Variants in SPSB4 observed in about 807,000 individuals in gnomAD.
The protein encoded by SPSB4 is SPRY domain-containing SOCS box protein 4.
Under a neutral mutation model 20.9 loss-of-function variants are expected in SPSB4, and 21 were observed. The observed-to-expected ratio is 1.01, with a 90% CI of 0.71 to 1.45. The LOEUF is 1.45. SPSB4 is among the 40% of genes most tolerant of loss of function. The pLI is 0.00. For missense variants in SPSB4, 399 were observed against 399.2 expected, an observed-to-expected ratio of 1.00 and a Z score of 0.00; for synonymous variants, 207 against 183.8, an observed-to-expected ratio of 1.13 and a Z score of -1.02.
chr3:141,096,922 G>T (rs1938554575), intron 2 of SPSB4, among the ~76,000 whole-genome samples: 1 of 152,158 alleles, frequency 6.6e-6, no homozygotes, highest in Admixed American at 6.5e-5. Flanking sequence ...TGGTTGAAAT[G>T]GGCCCATTGC....
chr3:141,079,031 G>T (rs920845155), intron 2 of SPSB4, among the ~76,000 whole-genome samples: 5 of 152,180 alleles, frequency 3.3e-5, no homozygotes, highest in Non-Finnish European at 7.4e-5. Context: ...GGAGGCCGAG[G>T]TGGGCGGATC....
chr3:141,101,736 G>T (rs989837429), intron 2 of SPSB4, among the ~76,000 whole-genome samples: 2 of 152,100 alleles, frequency 1.3e-5, no homozygotes, highest in African/African-American at 4.8e-5. Context: ...ACGTATTAAT[G>T]TTTTTACCTT....
intron 2 of SPSB4, among the ~76,000 whole-genome samples, chr3:141,097,743 G>A (rs893458156): frequency 4.0e-5 from 6 of 149,944 alleles, no homozygotes; most frequent in Non-Finnish European, 7.4e-5. Flanking sequence ...ACTGAGATGT[G>A]GCTGGTCCCA....
chr3:141,147,049 G>A (rs1234783829), intron 2 of SPSB4, 93 bp from the exon 3 acceptor site: 3 of 1,538,658 alleles, frequency 1.9e-6, no homozygotes, highest in Non-Finnish European at 1.8e-6. Context: ...CCAGCTCAGA[G>A]GAGCAGGCAG....
chr3:141,082,943 C>T (rs181963475), intron 2 of SPSB4, among the ~76,000 whole-genome samples: 20 of 152,242 alleles, frequency 1.3e-4, no homozygotes, highest in East Asian at 5.8e-4. Context: ...TTGGCCTCAG[C>T]GTGGTGATCT....
intron 2 of SPSB4, among the ~76,000 whole-genome samples, chr3:141,116,079 G>C (rs1337528341): frequency 6.6e-6 from 1 of 152,218 alleles, no homozygotes. Context: ...GCTAAGAGAT[G>C]ACGTTTCCCA....
intron 1 of SPSB4, among the ~76,000 whole-genome samples, chr3:141,062,931 C>T (rs892751433): frequency 4.0e-5 from 6 of 149,466 alleles, no homozygotes; most frequent in Admixed American, 1.3e-4. Flanking sequence ...TATGTCTTTA[C>T]TTAATTTTGG....
intron 2 of SPSB4, among the ~76,000 whole-genome samples, chr3:141,119,076 TG>T (rs1938923763): frequency 6.6e-6 from 1 of 152,232 alleles, no homozygotes; most frequent in Admixed American, 6.5e-5. Context: ...TAAATTACCT[TG>T]GGCAGTATGA....
intron 2 of SPSB4, among the ~76,000 whole-genome samples, chr3:141,107,614 T>C (rs913072984): frequency 6.6e-6 from 1 of 152,222 alleles, no homozygotes; most frequent in East Asian, 1.9e-4. Context: ...CCTGTAACTA[T>C]TGGGACAGCC....
chr3:141,102,350 A>T (rs1938624735), intron 2 of SPSB4, among the ~76,000 whole-genome samples: 2 of 152,094 alleles, frequency 1.3e-5, no homozygotes, highest in Admixed American at 1.3e-4. Flanking sequence ...AAAACATACA[A>T]CCGATTACAG....
intron 1 of SPSB4, among the ~76,000 whole-genome samples, chr3:141,058,155 G>A (rs1268019207): frequency 1.3e-5 from 2 of 152,192 alleles, no homozygotes; most frequent in Non-Finnish European, 2.9e-5. Context: ...TGCCTATTGA[G>A]CTCAGCTAGA....
intron 2 of SPSB4, among the ~76,000 whole-genome samples, chr3:141,099,830 T>C (rs547567168): frequency 2.0e-5 from 3 of 152,160 alleles, no homozygotes; most frequent in African/African-American, 7.2e-5. Flanking sequence ...CCCCCTAACC[T>C]GAGGTCAGTC....
rs375312971 is a variant in SPSB4 at position 141,127,629 on chromosome 3, C to T, written c.695-19513C>T. On this transcript the variant is annotated intron_variant, in intron 2 of 2. Transcript: ENST00000310546. ...GGTACAGTCAAGGCCCTTTCACTGC[C>T]AGGATTAAATGTGATTTCTGTTCTG... Among the ~76,000 whole-genome samples the T allele has an allele frequency of 7.2e-4, 109 of 152,258 alleles. 2 individuals are homozygous for T. The South Asian group carries it at 0.022, about 30-fold the overall frequency.
rs559836376 is a variant in SPSB4 at position 141,083,355 on chromosome 3, C to T, written c.694+16557C>T. Among the ~76,000 whole-genome samples, 132 of 152,226 alleles carry T rather than the reference C, an allele frequency of 8.7e-4. 1 individual carries two copies. Among genetic ancestry groups the T allele is most frequent in the South Asian group, 1.2e-3 (6 of 4,818 alleles). The stretch of plus-strand genomic sequence containing the variant: ...ATCACTGTTGTCTCCACACTGCCAC[C>T]CCCCCACCCTCTGTAGAGCCCTGGA... On this transcript the variant is annotated intron_variant, in intron 2 of 2. Coordinates refer to ENST00000310546, the MANE Select transcript of SPSB4 (RefSeq NM_080862.3).
At chr3:141,120,138 G>T (rs1010228768) in intron 2 of SPSB4, among the ~76,000 whole-genome samples, 3 of 152,182 alleles carry the variant, frequency 2.0e-5, no homozygotes, top group African/African-American at 4.8e-5. Flanking sequence ...TGGTTTCAAA[G>T]AACTTATTTA....
Position 141,066,338 on chromosome 3 carries a change from C to T in SPSB4, c.234C>T (p.His78=), listed in dbSNP as rs774946080. 2 of 1,564,118 alleles carry T rather than the reference C, an allele frequency of 1.3e-6. No individual in the cohort carries two copies. The highest frequency in any genetic ancestry group is 2.7e-5 in the African/African-American group (2 of 73,302). The part of the protein sequence containing the change: ...KDDDRLTFHR[H]PVAQSTDGIR... ...ACGACCGGCTCACCTTCCACCGGCA[C>T]CCCGTGGCCCAGAGCACCGACGGCA... The change falls in exon 2 of 3, where the codon CAC becomes CAT. Residue 78 remains histidine (H), a synonymous_variant. Transcript: ENST00000310546.
chr3:141,056,259 G>A (rs1452246522), intron 1 of SPSB4, among the ~76,000 whole-genome samples: 2 of 152,222 alleles, frequency 1.3e-5, no homozygotes, highest in African/African-American at 4.8e-5. Context: ...AAGTGAGTGG[G>A]CCTTGGCCCG....
intron 2 of SPSB4, among the ~76,000 whole-genome samples, chr3:141,100,662 T>C (rs1170421970): frequency 2.0e-5 from 3 of 152,142 alleles, no homozygotes; most frequent in African/African-American, 7.2e-5. Context: ...AGGGTTAGGG[T>C]GCATCTTCTC....
intron 2 of SPSB4, among the ~76,000 whole-genome samples, chr3:141,109,705 C>G (rs902491565): frequency 2.8e-4 from 42 of 152,054 alleles, no homozygotes; most frequent in African/African-American, 9.7e-4. Flanking sequence ...ATCTCAGCAG[C>G]CTTGTATCAA....
Sources: gnomAD v4.1 joint callset for allele counts (sites outside exome capture counted in the v4.1 genomes callset) on GRCh38, gnomAD v4.1.1 for gene constraint, MANE v1.5 for transcripts, NCBI Gene and HGNC (gene_info 2026-07-23, HGNC 2026-07-21) for gene names.